Variants in NLGN1 observed in about 807,000 individuals in gnomAD.
NLGN1 encodes the protein neuroligin 1.
A neutral mutation model predicts 65.5 loss-of-function variants in NLGN1; 12 were observed. That is an observed-to-expected ratio of 0.18 (90% CI 0.12 to 0.30). The LOEUF (loss-of-function observed/expected upper bound fraction) is 0.30. Among genes scored for constraint, NLGN1 ranks in the 10% least tolerant of loss-of-function variants. The probability of loss-of-function intolerance (pLI) is 1.00; values close to 1 mark genes in which losing one functional copy is unlikely to be tolerated. For synonymous variants in NLGN1, 350 were observed against 359.5 expected (o/e 0.97, Z 0.30); for missense variants, 750 against 1,007.1 (o/e 0.74, Z 3.46).
rs1002668562 is a variant in NLGN1 at position 173,929,696 on chromosome 3, CT to C, written c.646+121871del. Among the ~76,000 whole-genome samples the C allele has an allele frequency of 5.0e-5, 7 of 139,416 alleles. No individual in the cohort carries two copies. In the South Asian group the frequency reaches 7.1e-4, roughly 14 times the overall value. 91.5% of individuals were successfully genotyped at this position (139,416 alleles called of 152,430 possible). A position where few individuals can be genotyped will look rare whatever the true frequency, so the allele number is the denominator to read the frequency against. ...AATAAGCTTTTTTTTTTCTTTTTTT[CT>C]TTTTTTCTTTTTTTTTTTCTTTTTG... On this transcript the variant is annotated intron_variant, in intron 4 of 6. Transcript: ENST00000457714.
intron 2 of NLGN1, among the ~76,000 whole-genome samples, chr3:173,553,803 A>T (rs1180427344): frequency 7.0e-6 from 1 of 142,168 alleles, no homozygotes; most frequent in Non-Finnish European, 1.5e-5. Flanking sequence ...AAAGCCGACT[A>T]ACAGAAGGGC....
intron 4 of NLGN1, among the ~76,000 whole-genome samples, chr3:173,882,117 A>T (rs1733458491): frequency 6.6e-6 from 1 of 152,202 alleles, no homozygotes; most frequent in African/African-American, 2.4e-5. Context: ...AATAAGCAGT[A>T]ATATTTTGAA....
intron 3 of NLGN1, among the ~76,000 whole-genome samples, chr3:173,711,964 G>A (rs1769065099): frequency 6.6e-6 from 1 of 152,140 alleles, no homozygotes; most frequent in South Asian, 2.1e-4. Flanking sequence ...TGAGCAATAG[G>A]AAACTGAGGG....
chr3:173,774,360 T>A (rs1779998125), intron 3 of NLGN1, among the ~76,000 whole-genome samples: 1 of 152,210 alleles, frequency 6.6e-6, no homozygotes, highest in South Asian at 2.1e-4. Flanking sequence ...ATAGTTGATC[T>A]TCTGGCTCTG....
chr3:173,408,108 C>T (rs1468480829), intron 1 of NLGN1, among the ~76,000 whole-genome samples: 1 of 152,102 alleles, frequency 6.6e-6, no homozygotes, highest in African/African-American at 2.4e-5. Flanking sequence ...CTCTGTTGCC[C>T]AGGCTGGAGT....
chr3:173,580,741 C>T (rs1163896273), intron 2 of NLGN1, among the ~76,000 whole-genome samples: 3 of 151,974 alleles, frequency 2.0e-5, no homozygotes, highest in African/African-American at 7.2e-5. Context: ...TCTGTGAACT[C>T]ATTTTACACT....
intron 3 of NLGN1, among the ~76,000 whole-genome samples, chr3:173,795,729 A>T (rs1242559087): frequency 6.6e-6 from 1 of 152,132 alleles, no homozygotes; most frequent in African/African-American, 2.4e-5. Flanking sequence ...CGGAATACAC[A>T]TATTTTTTCA....
chr3:173,760,068 C>A (rs1205301232), intron 3 of NLGN1, among the ~76,000 whole-genome samples: 1 of 151,952 alleles, frequency 6.6e-6, no homozygotes, highest in African/African-American at 2.4e-5. Context: ...TGCTCTATTT[C>A]TGAACCATGT....
intron 3 of NLGN1, among the ~76,000 whole-genome samples, chr3:173,609,241 G>C (rs1425130572): frequency 6.6e-6 from 1 of 151,994 alleles, no homozygotes; most frequent in Non-Finnish European, 1.5e-5. Context: ...TTCTAAGATG[G>C]ATACAGAACT....
At chr3:173,823,870 T>C (rs1213857032) in intron 4 of NLGN1, among the ~76,000 whole-genome samples, 3 of 151,852 alleles carry the variant, frequency 2.0e-5, no homozygotes, top group Non-Finnish European at 4.4e-5. Context: ...ATAATAGAAA[T>C]TTTGAAGATT....
chr3:173,840,023 T>C (rs1724483965), intron 4 of NLGN1, among the ~76,000 whole-genome samples: 1 of 152,198 alleles, frequency 6.6e-6, no homozygotes, highest in Non-Finnish European at 1.5e-5. Flanking sequence ...GATTCCAGCT[T>C]AACCACTGTG....
chr3:173,472,458 G>A (rs1725469376), intron 2 of NLGN1, among the ~76,000 whole-genome samples: 1 of 151,944 alleles, frequency 6.6e-6, no homozygotes, highest in African/African-American at 2.4e-5. Context: ...GTATATTTCA[G>A]GAGTACAATT....
chr3:173,949,879 G>T (rs1747874266), intron 4 of NLGN1, among the ~76,000 whole-genome samples: 1 of 152,082 alleles, frequency 6.6e-6, no homozygotes, highest in African/African-American at 2.4e-5. Flanking sequence ...TTCTGATTTT[G>T]ATGGATATTT....
rs899218500 is a variant in NLGN1 at position 173,422,017 on chromosome 3, G to A, written c.-389-12993G>A. On this transcript the variant is annotated intron_variant, in intron 1 of 6. Coordinates refer to ENST00000457714, the Ensembl canonical transcript of NLGN1. ...TTAATGATCAAATCAGAATAATTTGGTTATCCATCAAATGCAGACATTTAT... is the reference window on the plus strand; with the variant it reads ...TTAATGATCAAATCAGAATAATTTGATTATCCATCAAATGCAGACATTTAT... Among the ~76,000 whole-genome samples, 5 of 151,826 alleles carry A rather than the reference G, an allele frequency of 3.3e-5. No individual in the cohort carries two copies. In the East Asian group the frequency reaches 7.7e-4, roughly 23 times the overall value.
intron 4 of NLGN1, among the ~76,000 whole-genome samples, chr3:174,147,991 A>G (rs1386898344): frequency 6.6e-6 from 1 of 152,200 alleles, no homozygotes; most frequent in Admixed American, 6.5e-5. Context: ...GCATGCCCCA[A>G]TTACCAACAT....
At chr3:173,845,696 G>A (rs1408745644) in intron 4 of NLGN1, among the ~76,000 whole-genome samples, 2 of 152,056 alleles carry the variant, frequency 1.3e-5, no homozygotes, top group African/African-American at 4.8e-5. Context: ...AACATAAAAT[G>A]TTAAAGCTGG....
chr3:173,836,025 A>G (rs1183851210), intron 4 of NLGN1, among the ~76,000 whole-genome samples: 2 of 152,206 alleles, frequency 1.3e-5, no homozygotes, highest in Non-Finnish European at 1.5e-5. Flanking sequence ...GATGTTAGCA[A>G]GGAAAGCTCC....
Position 174,278,968 on chromosome 3 carries a change from A to T in NLGN1, c.967A>T (p.Asn323Tyr), listed in dbSNP as rs776565654. Residue 323 changes from asparagine (N) to tyrosine (Y), a missense_variant, in exon 6 of 7, where the codon AAT becomes TAT. Transcript: ENST00000457714. ...AATGTTGGCCACAAAAGTTGGTTGC[A>T]ATGTTTCAGATACAGTAGAGTTAGT... 4.5e-6 allele frequency: 7 copies of T among 1,551,176 alleles called. No individual in the cohort carries two copies. In the South Asian group the frequency reaches 8.7e-5, roughly 19 times the overall value.
chr3:173,501,750 A>T (rs902999089), intron 2 of NLGN1, among the ~76,000 whole-genome samples: 23 of 151,818 alleles, frequency 1.5e-4, no homozygotes, highest in African/African-American at 5.5e-4. Flanking sequence ...TTTTATGTTC[A>T]GTGTATGTAA....
Sources: allele counts gnomAD v4.1 joint callset (sites outside exome capture counted in the v4.1 genomes callset), GRCh38; gene constraint gnomAD v4.1.1; transcripts MANE v1.5; gene names NCBI Gene and HGNC (gene_info 2026-07-23, HGNC 2026-07-21).